The following CD109 variants were observed in gnomAD, a reference collection of about 807,000 sequenced individuals.
CD109 encodes the protein CD109 antigen.
In CD109, 149 loss-of-function variants were observed where a neutral mutation model predicts 165.8. The observed-to-expected ratio is 0.90, with a 90% CI of 0.79 to 1.03. The LOEUF is 1.03. Among genes scored for constraint, CD109 ranks in the 50% least tolerant of loss-of-function variants. CD109 has a pLI of 0.00. For synonymous variants in CD109, 585 were observed against 592.1 expected (o/e 0.99, Z 0.18); for missense variants, 1,712 against 1,677.8 (o/e 1.02, Z -0.36).
At chr6:73,779,388 A>T (rs997674955) in intron 15 of CD109, among the ~76,000 whole-genome samples, 5 of 151,832 alleles carry the variant, frequency 3.3e-5, no homozygotes, top group African/African-American at 1.2e-4. Context: ...AGTTGGGACT[A>T]CAGGCGCCCA....
At position 73,766,114 on chromosome 6, in the gene CD109, A is replaced by G. The variant is rs747057416; in HGVS notation, c.1292A>G (p.Glu431Gly). The change falls in exon 11 of 33, where the codon GAA becomes GGA. Residue 431 changes from glutamate to glycine, a missense_variant. Physicochemically the swap from Glu to Gly is moderately conservative, Grantham distance 98. Coordinates refer to ENST00000287097, the MANE Select transcript of CD109 (RefSeq NM_133493.5). ...TVPQSGTFKIEFPILEDSSEL... is the reference protein window; with the variant it reads ...TVPQSGTFKIGFPILEDSSEL... ...CCCCAAAGTGGAACTTTTAAGATTG[A>G]ATTCCCAATCCTGGAGGATTCCAGT... The G allele has an allele frequency of 1.2e-6, 2 of 1,614,078 alleles. No individual in the cohort carries two copies. The highest frequency in any genetic ancestry group is 3.3e-5 in the Admixed American group (2 of 60,006).
rs150044305 is a variant in CD109 at position 73,742,869 on chromosome 6, G to C, written c.633+6361G>C. Among the ~76,000 whole-genome samples the C allele has an allele frequency of 1.9e-3, 284 of 152,356 alleles. 1 individual carries two copies. Among genetic ancestry groups the C allele is most frequent in the African/African-American group, 6.5e-3 (270 of 41,590 alleles). ...ACAATTTACTAATTTTGGCATGGGA[G>C]CTAGGAGTTTGAATTTTAAATAAGC... On this transcript the variant is annotated intron_variant, in intron 5 of 32. Transcript: ENST00000287097.
At chr6:73,685,280 C>A in the CD109 span, among the ~76,000 whole-genome samples, 16 of 151,858 alleles carry the variant, frequency 1.1e-4, no homozygotes, top group Non-Finnish European at 1.8e-4. Context: ...GATATAAGCC[C>A]CTTACTAACT....
chr6:73,784,854 A>G (rs1774630145), intron 19 of CD109, among the ~76,000 whole-genome samples: 1 of 152,194 alleles, frequency 6.6e-6, no homozygotes, highest in Admixed American at 6.5e-5. Context: ...CAGGAAGCAC[A>G]TGTATTCAGA....
At chr6:73,794,709 G>A (rs12663597) in intron 23 of CD109, among the ~76,000 whole-genome samples, 80,983 of 151,806 alleles carry the variant, frequency 0.53, 21,992 homozygotes, top group African/African-American at 0.63. Context: ...ATGTGGGGAA[G>A]GACATAGTGG....
At chr6:73,693,287 A>G (rs1376528940), upstream of CD109, among the ~76,000 whole-genome samples, 2 of 152,170 alleles carry the variant, frequency 1.3e-5, no homozygotes, top group Non-Finnish European at 2.9e-5. Context: ...TAGTGTGCAG[A>G]GATCCCATGG....
At chr6:73,723,426 T>A (rs1772032189) in intron 3 of CD109, 147 bp downstream of exon 3, 2 of 664,314 alleles carry the variant, frequency 3.0e-6, no homozygotes, top group Non-Finnish European at 5.2e-6. Context: ...TTCAGATTAT[T>A]TATGAATAAT....
At chr6:73,708,717 T>A (rs899008400) in intron 2 of CD109, among the ~76,000 whole-genome samples, 4 of 152,228 alleles carry the variant, frequency 2.6e-5, no homozygotes, top group African/African-American at 9.6e-5. Flanking sequence ...GGTATCTCAT[T>A]GTGGTTTTGA....
intron 5 of CD109, among the ~76,000 whole-genome samples, chr6:73,745,423 A>G (rs948757841): frequency 6.6e-6 from 1 of 152,154 alleles, no homozygotes; most frequent in Non-Finnish European, 1.5e-5. Context: ...CTGTTTTAAT[A>G]TGGCCTCCTT....
At chr6:73,698,065 C>T (rs1304632053) in intron 2 of CD109, among the ~76,000 whole-genome samples, 1 of 152,134 alleles carries the variant, frequency 6.6e-6, no homozygotes, top group Non-Finnish European at 1.5e-5. Flanking sequence ...AAAGGAAAAG[C>T]TACACAATAG....
At position 73,820,522 on chromosome 6, in the gene CD109, C is replaced by T; in HGVS notation, c.4121C>T (p.Thr1374Ile). Residue 1374 changes from threonine (T) to isoleucine (I), a missense_variant, in exon 32 of 33, where the codon ACC becomes ATC. Physicochemically the swap from Thr to Ile is moderately conservative, Grantham distance 89. Transcript: ENST00000287097. ...GTGAGAAACTTTAAAGTTTCAAATA[C>T]CCAAGATGCTTCAGTGTCCATAGTG... ...PAVRNFKVSN[T>I]QDASVSIVDY... is the part of the protein sequence containing the mutation. 1 of 1,611,774 alleles carries T rather than the reference C, an allele frequency of 6.2e-7. No individual in the cohort carries two copies. Among genetic ancestry groups the T allele is most frequent in the Non-Finnish European group, 8.5e-7 (1 of 1,178,448 alleles).
chr6:73,819,926 G>C (rs7748689), intron 31 of CD109, among the ~76,000 whole-genome samples: 5,681 of 151,482 alleles, frequency 0.038, 345 homozygotes, highest in African/African-American at 0.13. Flanking sequence ...GGGAATGTTT[G>C]AAGGAATTTA....
intron 23 of CD109, among the ~76,000 whole-genome samples, chr6:73,796,107 T>C (rs1401529260): frequency 1.3e-5 from 2 of 152,230 alleles, no homozygotes; most frequent in Non-Finnish European, 2.9e-5. Flanking sequence ...CATTCAAGCA[T>C]GATTGCTCAC....
At chr6:73,788,712 GAA>G in intron 22 of CD109, 100 bp downstream of exon 22, 1 of 465,146 alleles carries the variant, frequency 2.1e-6, no homozygotes, top group Non-Finnish European at 2.9e-6. Flanking sequence ...GTCCTAATAA[GAA>G]GAGATGGCAA....
At position 73,808,065 on chromosome 6, in the gene CD109, T is replaced by C. The variant is rs369339347; in HGVS notation, c.3190-18T>C. The C allele has an allele frequency of 4.3e-5, 70 of 1,609,342 alleles. No homozygotes were observed. The highest frequency in any genetic ancestry group is 5.5e-5 in the Non-Finnish European group (65 of 1,178,054). On this transcript the variant is annotated intron_variant, in intron 25 of 32. Transcript: ENST00000287097. ...GGGTTACTCTGAATAGTAAAAAACA[T>C]ACTTTTTTTCTTCCAAGCCTAACAT...
At chr6:73,704,282 A>G (rs1180221540) in intron 2 of CD109, among the ~76,000 whole-genome samples, 1 of 152,130 alleles carries the variant, frequency 6.6e-6, no homozygotes, top group Non-Finnish European at 1.5e-5. Flanking sequence ...GGTATCTCAC[A>G]AATTGTACTC....
In CD109 at chr6:73,820,376, A is replaced by G. The variant is rs971956707; in HGVS notation, c.4060-85A>G. On this transcript the variant is annotated intron_variant, in intron 31 of 32. Transcript: ENST00000287097. ...CCCTAAGTGTTAGTCTCTGTTTCCT[A>G]AAATGATGAGAAAAAAGAAATGTCT... The G allele has an allele frequency of 1.3e-5, 9 of 692,556 alleles. No homozygotes were observed. In the East Asian group the frequency reaches 1.4e-4, roughly 11 times the overall value. 42.9% of individuals were successfully genotyped at this position (692,556 alleles called of 1,614,324 possible). A position where few individuals can be genotyped will look rare whatever the true frequency, so the allele number is the denominator to read the frequency against.
At chr6:73,703,301 T>C (rs1771148446) in intron 2 of CD109, among the ~76,000 whole-genome samples, 1 of 152,284 alleles carries the variant, frequency 6.6e-6, no homozygotes, top group Admixed American at 6.5e-5. Context: ...TTGCAGTAGA[T>C]AGACCTGGAT....
At chr6:73,766,472 AAGAT>A (rs1358649699) in intron 11 of CD109, among the ~76,000 whole-genome samples, 1 of 151,228 alleles carries the variant, frequency 6.6e-6, no homozygotes, top group Non-Finnish European at 1.5e-5. Flanking sequence ...ATTGAAATGA[AAGAT>A]AAATATATAT....
Sources: allele counts gnomAD v4.1 joint callset (sites outside exome capture counted in the v4.1 genomes callset), GRCh38; gene constraint gnomAD v4.1.1; transcripts MANE v1.5; gene names NCBI Gene and HGNC (gene_info 2026-07-23, HGNC 2026-07-21).